KDM4B: variants seen among roughly 807,000 people sequenced by gnomAD.
The protein encoded by KDM4B is lysine demethylase 4B, also known as lysine-specific demethylase 4B.
KDM4B carries 32 observed loss-of-function variants against 125.2 expected under a neutral mutation model. That is an observed-to-expected ratio of 0.26 (90% confidence interval 0.19 to 0.34). The LOEUF (loss-of-function observed/expected upper bound fraction) is 0.34. Among genes scored for constraint, KDM4B ranks in the 10% least tolerant of loss-of-function variants. The pLI, the probability that KDM4B is intolerant of heterozygous loss-of-function variation, is 1.00. For synonymous variants in KDM4B, 721 were observed against 677.9 expected (o/e 1.06, Z -0.99); for missense variants, 1,190 against 1,577.7 (o/e 0.75, Z 4.16).
At chr19:5,139,610 C>T (rs910832719) in intron 18 of KDM4B, among the ~76,000 whole-genome samples, 2 of 152,224 alleles carry the variant, frequency 1.3e-5, no homozygotes, top group East Asian at 1.9e-4. Flanking sequence ...TTGTAGCAGC[C>T]GCCCTAGCAG....
intron 22 of KDM4B, among the ~76,000 whole-genome samples, chr19:5,150,666 C>T (rs1044654805): frequency 3.9e-5 from 6 of 152,116 alleles, no homozygotes; most frequent in East Asian, 3.9e-4. Flanking sequence ...AGCTCCTGGG[C>T]GATGCCGTTA....
At chr19:4,979,543 G>A (rs879548192) in intron 1 of KDM4B, among the ~76,000 whole-genome samples, 1 of 152,164 alleles carries the variant, frequency 6.6e-6, no homozygotes, top group Non-Finnish European at 1.5e-5. Flanking sequence ...TGTCTCTGGA[G>A]GTGTTACCCG....
At chr19:5,003,905 G>T (rs984906860) in intron 1 of KDM4B, among the ~76,000 whole-genome samples, 1 of 152,132 alleles carries the variant, frequency 6.6e-6, no homozygotes, top group African/African-American at 2.4e-5. Context: ...GGTCTTCCTC[G>T]TCTCTCCACA....
rs35539858 is a variant in KDM4B at position 5,052,882 on chromosome 19, C to CG, written c.626+5219dup. 8.6e-3 allele frequency among the ~76,000 whole-genome samples: 1,307 copies of CG among 152,336 alleles called. 27 individuals are homozygous for CG. Among genetic ancestry groups the CG allele is most frequent in the African/African-American group, 0.029 (1,207 of 41,586 alleles). The stretch of plus-strand genomic sequence containing the variant: ...ACTTCCAGCTTCTGAGCCCGGGACC[C>CG]GGGGGGTCCCACCAGCAGTGGGGAC... On this transcript the variant is annotated intron_variant, in intron 6 of 22. Coordinates refer to ENST00000159111, the MANE Select transcript of KDM4B (RefSeq NM_015015.3).
chr19:5,089,829 G>T (rs2038631297), intron 9 of KDM4B, among the ~76,000 whole-genome samples: 1 of 152,026 alleles, frequency 6.6e-6, no homozygotes, highest in South Asian at 2.1e-4. Flanking sequence ...AGTGGAAAAG[G>T]TTTTTGTTGT....
At chr19:5,015,039 G>A (rs2035850989) in intron 1 of KDM4B, among the ~76,000 whole-genome samples, 2 of 151,810 alleles carry the variant, frequency 1.3e-5, no homozygotes, top group African/African-American at 4.8e-5. Flanking sequence ...CCCAGGGGGC[G>A]AGCTCCTCTG....
intron 6 of KDM4B, among the ~76,000 whole-genome samples, chr19:5,054,248 T>G (rs2037323403): frequency 6.6e-6 from 1 of 152,106 alleles, no homozygotes; most frequent in African/African-American, 2.4e-5. Flanking sequence ...AACTGGCAAA[T>G]TTTTAAATTT....
At chr19:5,019,142 GTGT>G (rs948437493) in intron 2 of KDM4B, among the ~76,000 whole-genome samples, 4 of 145,852 alleles carry the variant, frequency 2.7e-5, no homozygotes, top group African/African-American at 8.1e-5. Flanking sequence ...TGGTGTGCAG[GTGT>G]TGGTGTGGGT....
Position 5,036,240 on chromosome 19 carries a change from T to C in KDM4B, c.141+3209T>C, listed in dbSNP as rs188222793. ...GCATGTATGTGTGTGGTGGGGGAGCTGGGGGTTTCCTGGTTCCATCAAAAC... is the reference window on the plus strand; with the variant it reads ...GCATGTATGTGTGTGGTGGGGGAGCCGGGGGTTTCCTGGTTCCATCAAAAC... On this transcript the variant is annotated intron_variant, in intron 3 of 22. Coordinates refer to ENST00000159111, the MANE Select transcript of KDM4B (RefSeq NM_015015.3). Among the ~76,000 whole-genome samples the C allele has an allele frequency of 5.7e-3, 870 of 152,322 alleles. 10 individuals are homozygous for C. Among genetic ancestry groups the C allele is most frequent in the African/African-American group, 0.02 (822 of 41,584 alleles).
At chr19:5,075,861 A>G (rs114518502) in intron 7 of KDM4B, 27 of 152,544 alleles carry the variant, frequency 1.8e-4, no homozygotes, top group African/African-American at 6.5e-4. Flanking sequence ...CCGGGCCTCG[A>G]TTTCCTCACC....
intron 9 of KDM4B, among the ~76,000 whole-genome samples, chr19:5,085,077 C>A (rs765097314): frequency 6.6e-6 from 1 of 152,152 alleles, no homozygotes; most frequent in South Asian, 2.1e-4. Flanking sequence ...TGACATCTCT[C>A]CTGGCCACGC....
intron 10 of KDM4B, among the ~76,000 whole-genome samples, chr19:5,119,373 C>T (rs149108931): frequency 0.02 from 3,085 of 152,270 alleles, 56 homozygotes; most frequent in Non-Finnish European, 0.027. Context: ...AGTCGGCTTC[C>T]CATCTCCAGC....
At chr19:5,073,291 C>G (rs2038003852) in intron 7 of KDM4B, among the ~76,000 whole-genome samples, 1 of 152,258 alleles carries the variant, frequency 6.6e-6, no homozygotes, top group Non-Finnish European at 1.5e-5. Context: ...GGCATGACAC[C>G]CCACACCTCT....
At chr19:5,092,281 G>T (rs545043049) in intron 9 of KDM4B, among the ~76,000 whole-genome samples, 39 of 152,244 alleles carry the variant, frequency 2.6e-4, no homozygotes, top group East Asian at 1.4e-3. Flanking sequence ...CAGTGCCCCT[G>T]GCCTCCACCC....
chr19:5,018,003 T>C (rs1052490858), intron 2 of KDM4B, among the ~76,000 whole-genome samples: 105 of 151,942 alleles, frequency 6.9e-4, no homozygotes, highest in Middle Eastern at 3.4e-3. Context: ...CCTCCCAAAG[T>C]GCTGGGATTA....
chr19:5,063,805 G>A (rs1461841742), intron 6 of KDM4B, among the ~76,000 whole-genome samples: 1 of 152,186 alleles, frequency 6.6e-6, no homozygotes, highest in African/African-American at 2.4e-5. Context: ...GAGTTAACAC[G>A]GCGCAGCACG....
intron 5 of KDM4B, among the ~76,000 whole-genome samples, chr19:5,044,673 G>A (rs2036967450): frequency 6.6e-6 from 1 of 151,984 alleles, no homozygotes; most frequent in Non-Finnish European, 1.5e-5. Context: ...TCAGCCTCCC[G>A]AGTAGCTGGG....
chr19:4,990,823 A>T lies in KDM4B; in HGVS notation c.-109+21593A>T, dbSNP rs565569563. ...GTTGGTTCCCTTTATTATTTTTTTT[A>T]AAAAACTTTATTATGGGCCGGGTAT... On this transcript the variant is annotated intron_variant, in intron 1 of 22. Coordinates refer to ENST00000159111, the MANE Select transcript of KDM4B (RefSeq NM_015015.3). Among the ~76,000 whole-genome samples, 101 of 152,070 alleles carry T rather than the reference A, an allele frequency of 6.6e-4. 1 individual carries two copies. The highest frequency in any genetic ancestry group is 1.8e-3 in the African/African-American group (76 of 41,448).
At chr19:4,979,815 A>T (rs942123374) in intron 1 of KDM4B, among the ~76,000 whole-genome samples, 1 of 152,168 alleles carries the variant, frequency 6.6e-6, no homozygotes, top group Non-Finnish European at 1.5e-5. Flanking sequence ...TAAAGTATAC[A>T]ATTCAGGCTG....
Sources: gnomAD v4.1 joint callset for allele counts (sites outside exome capture counted in the v4.1 genomes callset) on GRCh38, gnomAD v4.1.1 for gene constraint, MANE v1.5 for transcripts, NCBI Gene and HGNC (gene_info 2026-07-23, HGNC 2026-07-21) for gene names.